Variants in SPEG observed in about 807,000 individuals in gnomAD.
The protein encoded by SPEG is striated muscle preferentially expressed protein kinase.
A neutral mutation model predicts 300.4 loss-of-function variants in SPEG; 114 were observed. The observed-to-expected ratio is 0.38, with a 90% CI of 0.33 to 0.44. The LOEUF is 0.44. Ranked by LOEUF, SPEG falls within the 20% of genes least tolerant of loss-of-function variation. The probability of loss-of-function intolerance (pLI) is 1.00; values close to 1 mark genes in which losing one functional copy is unlikely to be tolerated. For synonymous variants in SPEG, 1,964 were observed against 2,018.9 expected (o/e 0.97, Z 0.73); for missense variants, 4,201 against 4,586.2 (o/e 0.92, Z 2.43).
At chr2:219,441,022 T>G (rs750369976) in intron 1 of SPEG, among the ~76,000 whole-genome samples, 3 of 152,202 alleles carry the variant, frequency 2.0e-5, no homozygotes, top group Non-Finnish European at 4.4e-5. Context: ...ACTTGTCAGT[T>G]AAATGGGTAT....
chr2:219,484,583 C>G lies in SPEG; in HGVS notation c.7120C>G (p.Arg2374Gly). The change falls in exon 30 of 41, where the codon CGG becomes GGG. Residue 2374 changes from arginine to glycine, a missense_variant. By Grantham distance (125) the Arg-to-Gly change is moderately radical. Around this residue, in one of 4 missense-constraint regions of SPEG, gnomAD observed 1,578 missense variants for 1,506.0 expected, o/e 1.05. Coordinates refer to ENST00000312358, the MANE Select transcript of SPEG (RefSeq NM_005876.5). ...GGCCGAGGAGGAGGATGGCATATACCGGCCCAGCCCGGCGGGGACCCCGCT... is the reference window on the plus strand; with the variant it reads ...GGCCGAGGAGGAGGATGGCATATACGGGCCCAGCCCGGCGGGGACCCCGCT... ...RGAEEEDGIY[R>G]PSPAGTPLEL... is the part of the protein sequence containing the mutation. 2 of 1,573,662 alleles carry G rather than the reference C, an allele frequency of 1.3e-6. No homozygotes were observed. The highest frequency in any genetic ancestry group is 1.7e-6 in the Non-Finnish European group (2 of 1,164,110).
Position 219,444,755 on chromosome 2 carries a change from G to C in SPEG, c.478+13G>C, listed in dbSNP as rs1205120150. 5 of 1,613,544 alleles carry C rather than the reference G, an allele frequency of 3.1e-6. No homozygotes were observed. The African/African-American group carries it at 6.7e-5, about 22-fold the overall frequency. ...AGCACCCCCACGGGTGAGCTCCTGG[G>C]GTGTACAAAGAGCAGGCAGGCGGGT... On this transcript the variant is annotated intron_variant, in intron 2 of 40. Coordinates refer to ENST00000312358, the MANE Select transcript of SPEG (RefSeq NM_005876.5). This position sits in a 1 kb window ranked among gnomAD's most constrained non-coding sequence, Gnocchi z 7.8.
At position 219,492,813 on chromosome 2, in the gene SPEG, G is replaced by T; in HGVS notation, c.*27G>T. ...GGCACGGACCACAGCCAGGCCTCGG[G>T]CTTCAACTGGGGTTCCCACCAATGC... On this transcript the variant is annotated 3_prime_UTR_variant, in exon 41 of 41. Coordinates refer to ENST00000312358, the MANE Select transcript of SPEG (RefSeq NM_005876.5). The T allele has an allele frequency of 6.5e-7, 1 of 1,547,796 alleles. No homozygotes were observed. The highest frequency in any genetic ancestry group is 8.7e-7 in the Non-Finnish European group (1 of 1,152,100).
In SPEG at chr2:219,472,392, C is replaced by A. The variant is rs995124782; in HGVS notation, c.3940+61C>A. On this transcript the variant is annotated intron_variant, in intron 15 of 40. Transcript: ENST00000312358. ...GGGGTGTGGAGAAGGCAGGCTCAGG[C>A]AGGACACCATGGGGGCCAGGCCCCA... is the stretch of plus-strand genomic sequence containing the variant. 2.8e-6 allele frequency: 4 copies of A among 1,446,186 alleles called. No homozygotes were observed. The African/African-American group carries it at 4.2e-5, about 15-fold the overall frequency. The allele number at this position is 1,446,186 out of a possible 1,614,324, so 89.6% of individuals were successfully genotyped here. A position where few individuals can be genotyped will look rare whatever the true frequency, so the allele number is the denominator to read the frequency against.
chr2:219,482,925 G>A, intron 29 of SPEG, 73 bp downstream of exon 29: 1 of 1,496,912 alleles, frequency 6.7e-7, no homozygotes, highest in Non-Finnish European at 9.2e-7. Context: ...CCCTCCCGTG[G>A]GCCTTCATCT....
chr2:219,448,322 C>T lies in SPEG; in HGVS notation c.1164C>T (p.Gly388=). ...CCTCAGGCCGCCTGTCGGCGTTGGG[C>T]CGATCGCCTAGGCTGGTGCGCGCCG... ...SEASGRLSAL[G]RSPRLVRAGS... is the part of the protein sequence containing the mutation. Residue 388 remains glycine, a synonymous_variant, in exon 4 of 41, where the codon GGC becomes GGT. Coordinates refer to ENST00000312358, the MANE Select transcript of SPEG (RefSeq NM_005876.5). 1 of 1,604,352 alleles carries T rather than the reference C, an allele frequency of 6.2e-7. No individual in the cohort carries two copies. The highest frequency in any genetic ancestry group is 8.5e-7 in the Non-Finnish European group (1 of 1,176,422).
chr2:219,449,350 G>A (rs1294715296), intron 4 of SPEG, 79 bp downstream of exon 4: 2 of 1,175,026 alleles, frequency 1.7e-6, no homozygotes, highest in Non-Finnish European at 2.2e-6. Context: ...TGCTCAGCAG[G>A]AGCCGGGGGG....
chr2:219,475,985 C>T (rs1367164631), intron 18 of SPEG, among the ~76,000 whole-genome samples: 1 of 151,164 alleles, frequency 6.6e-6, no homozygotes, highest in Non-Finnish European at 1.5e-5. Flanking sequence ...GTGCCTGACT[C>T]ATCCTACTTC....
At chr2:219,472,570 G>A (rs1691981737) in intron 15 of SPEG, among the ~76,000 whole-genome samples, 1 of 152,160 alleles carries the variant, frequency 6.6e-6, no homozygotes. Context: ...GTGGGTGCCT[G>A]GGTCAGGACT....
intron 6 of SPEG, chr2:219,460,821 G>T: frequency 1.0e-6 from 1 of 986,216 alleles, no homozygotes; most frequent in Non-Finnish European, 1.2e-6. Context: ...CCTTCTCCGT[G>T]CAGGGCCTCA....
rs1693304195 is a variant in SPEG at position 219,485,398 on chromosome 2, G to A, written c.7662G>A (p.Lys2554=). The A allele has an allele frequency of 1.2e-6, 2 of 1,607,862 alleles. No homozygotes were observed. The highest frequency in any genetic ancestry group is 8.5e-7 in the Non-Finnish European group (1 of 1,177,150). Reference sequence around the variant, plus strand: ...GCTGGGGCTTCTCTCGGCCGCGGAAGGACAAGGGGTTATCGCCACCAAACC... The same window carrying A: ...GCTGGGGCTTCTCTCGGCCGCGGAAAGACAAGGGGTTATCGCCACCAAACC... ...RLRWGFSRPR[K]DKGLSPPNLS... The change falls in exon 31 of 41, where the codon AAG becomes AAA. Residue 2554 remains lysine (K), a synonymous_variant. Coordinates refer to ENST00000312358, the MANE Select transcript of SPEG (RefSeq NM_005876.5).
chr2:219,464,869 G>A lies in SPEG; in HGVS notation c.2881+261G>A, dbSNP rs1691113999. On this transcript the variant is annotated intron_variant, in intron 9 of 40. Coordinates refer to ENST00000312358, the MANE Select transcript of SPEG (RefSeq NM_005876.5). The surrounding 1 kb of genome is among the most constrained non-coding windows in gnomAD (Gnocchi z 4.5). ...CCCTGTTGCTCCATCACGGAGCCCT[G>A]GCGGCAGCCAGAGACCCTGCACCTG... 1 of 464,252 alleles carries A rather than the reference G, an allele frequency of 2.2e-6. No individual in the cohort carries two copies. The highest frequency in any genetic ancestry group is 2.8e-5 in the South Asian group (1 of 36,296). 28.8% of individuals were successfully genotyped at this position (464,252 alleles called of 1,614,324 possible). A position where few individuals can be genotyped will look rare whatever the true frequency, so the allele number is the denominator to read the frequency against.
In SPEG at chr2:219,463,373, TTGTC is replaced by T. The variant is rs1258670378; in HGVS notation, c.2705+990_2705+993del. 7.7e-4 allele frequency among the ~76,000 whole-genome samples: 116 copies of T among 150,656 alleles called. 1 individual carries two copies. Among genetic ancestry groups the T allele is most frequent in the African/African-American group, 2.5e-3 (101 of 40,972 alleles). ...AATTCTGTTTTTCATTTTTAATTGA[TTGTC>T]TGGTCCCCACTGTGATTTTTTTTTT... On this transcript the variant is annotated intron_variant, in intron 8 of 40. Coordinates refer to ENST00000312358, the MANE Select transcript of SPEG (RefSeq NM_005876.5).
intron 6 of SPEG, among the ~76,000 whole-genome samples, chr2:219,456,362 C>T (rs1014558261): frequency 6.6e-6 from 1 of 152,196 alleles, no homozygotes; most frequent in Non-Finnish European, 1.5e-5. Flanking sequence ...GCCACATGGC[C>T]CCCATCGTCA....
rs1268281119 is a variant in SPEG, at chr2:219,480,860, C to T, written c.5369+163C>T. ...GGACACCCCTGTCTGCATGCCCACA[C>T]TCTGCCTGTCCCCACACCCCTCCAT... On this transcript the variant is annotated intron_variant, in intron 26 of 40. Transcript: ENST00000312358. This position sits in a 1 kb window ranked among gnomAD's most constrained non-coding sequence, Gnocchi z 5.3. Among the ~76,000 whole-genome samples, 3 of 152,116 alleles carry T rather than the reference C, an allele frequency of 2.0e-5. No individual in the cohort carries two copies. In the East Asian group the frequency reaches 5.8e-4, roughly 29 times the overall value.
Position 219,451,391 on chromosome 2 carries a change from T to C in SPEG, c.2257+112T>C. On this transcript the variant is annotated intron_variant, in intron 5 of 40. Coordinates refer to ENST00000312358, the MANE Select transcript of SPEG (RefSeq NM_005876.5). The surrounding 1 kb of genome is among the most constrained non-coding windows in gnomAD (Gnocchi z 6.4). ...AGGGAGGGGTGGGAAAGAGGGGAAT[T>C]ATCCCCTCCACGGGGGCTGCCCTGA... The C allele has an allele frequency of 1.4e-6, 2 of 1,382,732 alleles. No homozygotes were observed. The highest frequency in any genetic ancestry group is 2.5e-5 in the East Asian group (1 of 40,324). The allele number at this position is 1,382,732 out of a possible 1,614,324, so 85.7% of individuals were successfully genotyped here.
At position 219,485,047 on chromosome 2, in the gene SPEG, G is replaced by A. The variant is rs866249000; in HGVS notation, c.7584G>A (p.Glu2528=). ...CTTCCGCCGAGTCCCTGGGCTCCGA[G>A]GCCAGCGCCACGTCGGGCTCCTCAG... ...TTPSAESLGS[E]ASATSGSSAP... is the part of the protein sequence containing the mutation. Residue 2528 remains glutamate, a synonymous_variant, in exon 30 of 41, where the codon GAG becomes GAA. Transcript: ENST00000312358. The A allele has an allele frequency of 3.3e-6, 5 of 1,532,564 alleles. No individual in the cohort carries two copies. The highest frequency in any genetic ancestry group is 2.1e-4 in the Middle Eastern group (1 of 4,748). The allele number at this position is 1,532,564 out of a possible 1,614,324, so 94.9% of individuals were successfully genotyped here. A position where few individuals can be genotyped will look rare whatever the true frequency, so the allele number is the denominator to read the frequency against.
Position 219,488,603 on chromosome 2 carries a change from A to G in SPEG, c.7964A>G (p.Tyr2655Cys). 6.2e-7 allele frequency: 1 copy of G among 1,612,222 alleles called. No homozygotes were observed. Among genetic ancestry groups the G allele is most frequent in the Non-Finnish European group, 8.5e-7 (1 of 1,179,344 alleles). Residue 2655 changes from tyrosine (Y) to cysteine (C), a missense_variant, in exon 33 of 41, where the codon TAT (tyrosine) becomes TGT (cysteine). By Grantham distance (194) the Tyr-to-Cys change is radical (BLOSUM62 -2). This residue lies in a region of SPEG where 1,578 missense variants were observed against 1,506.0 expected (regional missense o/e 1.05). Transcript: ENST00000312358. ...PRAGKRHAGL[Y>C]ECSATNVLGS... Reference sequence around the variant, plus strand: ...GCGGGCAAGCGGCACGCCGGTCTCTATGAGTGCTCGGCCACCAACGTACTG... The same window carrying G: ...GCGGGCAAGCGGCACGCCGGTCTCTGTGAGTGCTCGGCCACCAACGTACTG...
intron 1 of SPEG, among the ~76,000 whole-genome samples, chr2:219,441,853 C>T (rs899731739): frequency 2.0e-5 from 3 of 150,946 alleles, no homozygotes; most frequent in African/African-American, 7.3e-5. Flanking sequence ...GAGGGGCGGA[C>T]TCCAGCGCCG....
Sources: allele counts gnomAD v4.1 joint callset (sites outside exome capture counted in the v4.1 genomes callset), GRCh38; gene constraint gnomAD v4.1.1; regional missense constraint gnomAD v4.1.1; non-coding constraint Gnocchi (gnomAD v3.1); transcripts MANE v1.5; gene names NCBI Gene and HGNC (gene_info 2026-07-23, HGNC 2026-07-21).